CHD7: variants seen among roughly 807,000 people sequenced by gnomAD.
CHD7 encodes chromodomain helicase DNA binding protein 7.
CHD7 carries 24 observed loss-of-function variants against 307.3 expected under a neutral mutation model. The ratio of observed to expected loss-of-function variants is 0.08; its 90% CI spans 0.06 to 0.11. The LOEUF is 0.11. CHD7 is among the 10% of genes least tolerant of loss of function. The pLI is 1.00. For synonymous variants in CHD7, 1,363 were observed against 1,349.9 expected (o/e 1.01, Z -0.21); for missense variants, 3,106 against 3,727.1 (o/e 0.83, Z 4.34).
intron 34 of CHD7, among the ~76,000 whole-genome samples, chr8:60,860,011 G>A (rs554996451): frequency 6.6e-6 from 1 of 150,442 alleles, no homozygotes; most frequent in East Asian, 1.9e-4. Flanking sequence ...AATAACCTGG[G>A]TGGGAAGTGA....
chr8:60,785,693 A>G (rs1263377006), intron 3 of CHD7, among the ~76,000 whole-genome samples: 1 of 152,198 alleles, frequency 6.6e-6, no homozygotes, highest in Non-Finnish European at 1.5e-5. Context: ...AAATTTCTTA[A>G]TAGAGATTAG....
rs759047744 is a variant in CHD7 at position 60,785,639 on chromosome 8, T to C, written c.2096+4209T>C. Among the ~76,000 whole-genome samples the C allele has an allele frequency of 4.3e-4, 66 of 152,352 alleles. 2 individuals are homozygous for C. Among genetic ancestry groups the C allele is most frequent in the Admixed American group, 3.9e-3 (59 of 15,304 alleles). On this transcript the variant is annotated intron_variant, in intron 3 of 37. Transcript: ENST00000423902. ...CCACCAAGTCCAATGGTGGTGTATT[T>C]TTATAAACTAATACATATTTTATGG...
At chr8:60,721,524 A>G (rs986773969) in intron 1 of CHD7, among the ~76,000 whole-genome samples, 4 of 152,244 alleles carry the variant, frequency 2.6e-5, no homozygotes, top group African/African-American at 9.6e-5. Flanking sequence ...TTGGAGAACC[A>G]CAGTCCTGGT....
At chr8:60,796,550 TG>T (rs1215334814) in intron 4 of CHD7, among the ~76,000 whole-genome samples, 2 of 152,322 alleles carry the variant, frequency 1.3e-5, no homozygotes, top group Non-Finnish European at 1.5e-5. Context: ...ATACTGCTAT[TG>T]TTTTTTTAAA....
intron 3 of CHD7, among the ~76,000 whole-genome samples, chr8:60,781,921 C>T (rs575165329): frequency 2.0e-5 from 3 of 152,222 alleles, no homozygotes; most frequent in Non-Finnish European, 4.4e-5. Context: ...TAGTGAGCAG[C>T]GCAAGAGAAA....
chr8:60,865,947 CAGTTCA>C lies in CHD7; in HGVS notation c.*18_*23del, dbSNP rs773033670. The stretch of plus-strand genomic sequence containing the variant: ...AATGATGAATAACCAGTACCAGTTC[CAGTTCA>C]AGTGTTTAAAACTTTTGACAAGTGG... On this transcript the variant is annotated 3_prime_UTR_variant, in exon 38 of 38. Transcript: ENST00000423902. This position sits in a 1 kb window ranked among gnomAD's most constrained non-coding sequence, Gnocchi z 4.3. The C allele has an allele frequency of 2.0e-5, 32 of 1,581,280 alleles. No individual in the cohort carries two copies. The highest frequency in any genetic ancestry group is 2.3e-5 in the Non-Finnish European group (27 of 1,162,676).
Position 60,852,650 on chromosome 8 carries a change from G to A in CHD7, c.6047G>A (p.Ser2016Asn), listed in dbSNP as rs1805505372. 6.2e-7 allele frequency: 1 copy of A among 1,613,988 alleles called. No homozygotes were observed. ...GATGAGAGTTTGGAGAAATACTTCA[G>A]TTGTTTTGTGGCCATGTGTAGGCGA... Reference protein sequence around the residue: ...KSDESLEKYFSCFVAMCRRVC... With the variant: ...KSDESLEKYFNCFVAMCRRVC... The change falls in exon 30 of 38, where the codon AGT (serine) becomes AAT (asparagine). Residue 2016 changes from serine (S) to asparagine (N), a missense_variant. Ser to Asn is a conservative substitution (Grantham distance 46, BLOSUM62 1). Coordinates refer to ENST00000423902, the MANE Select transcript of CHD7 (RefSeq NM_017780.4).
chr8:60,802,583 C>T (rs911705933), intron 6 of CHD7, among the ~76,000 whole-genome samples: 1 of 152,198 alleles, frequency 6.6e-6, no homozygotes, highest in African/African-American at 2.4e-5. Flanking sequence ...AACTCCTGGG[C>T]TCAAACATTT....
intron 1 of CHD7, among the ~76,000 whole-genome samples, chr8:60,690,140 A>G (rs1299498331): frequency 2.0e-5 from 3 of 152,192 alleles, no homozygotes; most frequent in Admixed American, 6.5e-5. Flanking sequence ...GTTCAAATGT[A>G]TAAATCAGTA....
chr8:60,736,844 T>A (rs568399891), intron 1 of CHD7, among the ~76,000 whole-genome samples: 120 of 152,292 alleles, frequency 7.9e-4, no homozygotes, highest in African/African-American at 2.8e-3. Context: ...CCTTGCTAGG[T>A]TTCTAGTCCA....
intron 15 of CHD7, among the ~76,000 whole-genome samples, chr8:60,834,258 CATTA>C (rs1328936042): frequency 6.6e-6 from 1 of 151,970 alleles, no homozygotes; most frequent in African/African-American, 2.4e-5. Context: ...ATTCGTTGGC[CATTA>C]ATTTGTTTTA....
chr8:60,743,341 C>T (rs1288141256), intron 2 of CHD7, among the ~76,000 whole-genome samples: 1 of 152,210 alleles, frequency 6.6e-6, no homozygotes, highest in Non-Finnish European at 1.5e-5. Context: ...GGAGCTGGGT[C>T]ACCGCTAGCA....
intron 1 of CHD7, among the ~76,000 whole-genome samples, chr8:60,701,960 G>A (rs1045545324): frequency 2.0e-5 from 3 of 152,202 alleles, no homozygotes; most frequent in African/African-American, 7.2e-5. Flanking sequence ...TGGAGGCTGT[G>A]CCTCCCTGCA....
In CHD7 at chr8:60,866,772, A is replaced by G. The variant is rs886063050; in HGVS notation, c.*839A>G. ...TTTACAGACATGACTTTGTAAATGT[A>G]TTGTTTTTCTTTGTTGTGATGTCCT... is the stretch of plus-strand genomic sequence containing the variant. On this transcript the variant is annotated 3_prime_UTR_variant, in exon 38 of 38. Transcript: ENST00000423902. 2 of 152,622 alleles carry G rather than the reference A, an allele frequency of 1.3e-5. No individual in the cohort carries two copies. The highest frequency in any genetic ancestry group is 4.8e-5 in the African/African-American group (2 of 41,440). The allele number at this position is 152,622 out of a possible 1,614,324, so 9.5% of individuals were successfully genotyped here. A position where few individuals can be genotyped will look rare whatever the true frequency, so the allele number is the denominator to read the frequency against.
intron 2 of CHD7, among the ~76,000 whole-genome samples, chr8:60,744,832 G>A (rs551963342): frequency 6.0e-5 from 9 of 150,580 alleles, no homozygotes; most frequent in Admixed American, 6.6e-5. Context: ...TCCAGCCTGG[G>A]CAACAGAGCG....
At chr8:60,772,557 G>C (rs1453332491) in intron 2 of CHD7, among the ~76,000 whole-genome samples, 1 of 152,170 alleles carries the variant, frequency 6.6e-6, no homozygotes, top group Non-Finnish European at 1.5e-5. Context: ...GGTAGCTTCA[G>C]GTGTGGGTGT....
chr8:60,787,483 T>A (rs1451042460), intron 3 of CHD7, among the ~76,000 whole-genome samples: 10 of 152,260 alleles, frequency 6.6e-5, no homozygotes, highest in South Asian at 4.1e-4. Flanking sequence ...GCCTATTTTT[T>A]ATATAGTTTT....
chr8:60,815,960 T>C (rs986339558), intron 7 of CHD7, among the ~76,000 whole-genome samples: 1 of 152,210 alleles, frequency 6.6e-6, no homozygotes, highest in Non-Finnish European at 1.5e-5. Flanking sequence ...AAAACCTATT[T>C]CTCAATGATA....
intron 5 of CHD7, among the ~76,000 whole-genome samples, 194 bp from the exon 6 acceptor site, chr8:60,801,334 T>A (rs1812301029): frequency 6.6e-6 from 1 of 152,246 alleles, no homozygotes; most frequent in Non-Finnish European, 1.5e-5. Context: ...TGAAGTAATA[T>A]TAAGCACAGA....
Sources: allele counts gnomAD v4.1 joint callset (sites outside exome capture counted in the v4.1 genomes callset), GRCh38; gene constraint gnomAD v4.1.1; non-coding constraint Gnocchi (gnomAD v3.1); transcripts MANE v1.5; gene names NCBI Gene and HGNC (gene_info 2026-07-23, HGNC 2026-07-21).